Variants in STK32B observed in about 807,000 individuals in gnomAD.
The protein encoded by STK32B is serine/threonine kinase 32B.
In STK32B, 43 loss-of-function variants were observed where a neutral mutation model predicts 52.6. That is an observed-to-expected ratio of 0.82 (90% CI 0.64 to 1.05). The LOEUF is 1.05. STK32B is among the 50% of genes least tolerant of loss of function. The pLI, the probability that STK32B is intolerant of heterozygous loss-of-function variation, is 0.00. For synonymous variants in STK32B, 238 were observed against 204.3 expected (o/e 1.17, Z -1.41); for missense variants, 621 against 534.6 (o/e 1.16, Z -1.59).
intron 6 of STK32B, among the ~76,000 whole-genome samples, chr4:5,444,342 T>A (rs1000156255): frequency 5.9e-5 from 9 of 152,338 alleles, no homozygotes; most frequent in African/African-American, 2.2e-4. Flanking sequence ...GCGCAGTATT[T>A]GGGTGGGAGT....
intron 3 of STK32B, among the ~76,000 whole-genome samples, chr4:5,326,664 A>G (rs1262917933): frequency 1.3e-5 from 2 of 152,210 alleles, no homozygotes; most frequent in Non-Finnish European, 2.9e-5. Context: ...GTTAGCTACA[A>G]TGCTAACACT....
chr4:5,152,195 G>A (rs926192837), intron 2 of STK32B, among the ~76,000 whole-genome samples: 2 of 152,236 alleles, frequency 1.3e-5, no homozygotes, highest in Non-Finnish European at 2.9e-5. Context: ...GAAGCTTAAA[G>A]CAAAGAATCA....
At chr4:5,315,116 A>C (rs1397987201) in intron 3 of STK32B, among the ~76,000 whole-genome samples, 1 of 152,184 alleles carries the variant, frequency 6.6e-6, no homozygotes, top group East Asian at 1.9e-4. Flanking sequence ...GTGAGTTCTC[A>C]AGTCTCAACA....
Position 5,087,277 on chromosome 4 carries a change from C to G in STK32B, c.52+35362C>G, listed in dbSNP as rs949472310. 3.3e-5 allele frequency among the ~76,000 whole-genome samples: 5 copies of G among 151,574 alleles called. No homozygotes were observed. The South Asian group carries it at 1.0e-3, about 32-fold the overall frequency. On this transcript the variant is annotated intron_variant, in intron 1 of 11. Coordinates refer to ENST00000282908, the MANE Select transcript of STK32B (RefSeq NM_018401.3). ...GAGATGCTAATTATAATACCCAGGG[C>G]AATCACTACAAAAAATAATAATGTA...
intron 3 of STK32B, among the ~76,000 whole-genome samples, chr4:5,265,438 G>A (rs912992578): frequency 1.3e-5 from 2 of 152,080 alleles, no homozygotes; most frequent in East Asian, 1.9e-4. Flanking sequence ...TATTGACTAC[G>A]CCCCGAAGCT....
intron 7 of STK32B, among the ~76,000 whole-genome samples, chr4:5,454,297 TTC>T (rs1321944340): frequency 6.6e-6 from 1 of 152,098 alleles, no homozygotes; most frequent in East Asian, 1.9e-4. Flanking sequence ...ACAGAAATTA[TTC>T]TCTCACAGTT....
chr4:5,485,587 T>C (rs57264400), intron 11 of STK32B, among the ~76,000 whole-genome samples: 1,797 of 152,298 alleles, frequency 0.012, 40 homozygotes, highest in African/African-American at 0.041. Context: ...TCTCTCAACT[T>C]GTCAAAGTCA....
In STK32B at chr4:5,242,153, C is replaced by T. The variant is rs183778194; in HGVS notation, c.260+73703C>T. 3.9e-5 allele frequency among the ~76,000 whole-genome samples: 6 copies of T among 152,294 alleles called. No homozygotes were observed. The East Asian group carries it at 1.2e-3, about 29-fold the overall frequency. ...TCTAGATCCCTGAGGAATTGCCATA[C>T]TGACATCCACAATGGCTGAATTAGT... On this transcript the variant is annotated intron_variant, in intron 3 of 11. Coordinates refer to ENST00000282908, the MANE Select transcript of STK32B (RefSeq NM_018401.3).
At chr4:5,404,140 C>T (rs1737496017) in intron 5 of STK32B, among the ~76,000 whole-genome samples, 1 of 151,982 alleles carries the variant, frequency 6.6e-6, no homozygotes, top group African/African-American at 2.4e-5. Flanking sequence ...CTAGGGCTAC[C>T]ATAACAAAGC....
At chr4:5,124,759 C>A (rs898700797) in intron 1 of STK32B, among the ~76,000 whole-genome samples, 3 of 152,282 alleles carry the variant, frequency 2.0e-5, no homozygotes, top group African/African-American at 7.2e-5. Flanking sequence ...CATATAGATG[C>A]ACGTGTGTGT....
At chr4:5,114,800 T>C (rs1336711689) in intron 1 of STK32B, among the ~76,000 whole-genome samples, 1 of 152,140 alleles carries the variant, frequency 6.6e-6, no homozygotes, top group Non-Finnish European at 1.5e-5. Flanking sequence ...GGAAGCCAGG[T>C]AGTGCTCTAA....
At chr4:5,451,809 C>T (rs1716025539) in intron 7 of STK32B, among the ~76,000 whole-genome samples, 1 of 152,150 alleles carries the variant, frequency 6.6e-6, no homozygotes, top group Non-Finnish European at 1.5e-5. Context: ...GACAGTTGTC[C>T]CTGATTGAGA....
At chr4:5,416,568 A>T (rs1577467820) in intron 5 of STK32B, among the ~76,000 whole-genome samples, 1 of 152,302 alleles carries the variant, frequency 6.6e-6, no homozygotes, top group East Asian at 1.9e-4. Context: ...TAGGAGCTTT[A>T]ATTCTCCACA....
chr4:5,321,675 A>G (rs1284708322), intron 3 of STK32B, among the ~76,000 whole-genome samples: 2 of 152,198 alleles, frequency 1.3e-5, no homozygotes, highest in African/African-American at 4.8e-5. Context: ...AAATAAAACC[A>G]TGAAGGCACA....
At chr4:5,154,836 G>C (rs1717665612) in intron 2 of STK32B, among the ~76,000 whole-genome samples, 1 of 152,170 alleles carries the variant, frequency 6.6e-6, no homozygotes, top group African/African-American at 2.4e-5. Flanking sequence ...TGAGTGCTCG[G>C]GTGAGAGAGG....
At chr4:5,077,480 T>A (rs996143799) in intron 1 of STK32B, among the ~76,000 whole-genome samples, 5 of 152,076 alleles carry the variant, frequency 3.3e-5, no homozygotes, top group African/African-American at 7.2e-5. Context: ...TTAAGACACT[T>A]CCAGGCAGCT....
chr4:5,480,058 C>T (rs925680283), intron 11 of STK32B, among the ~76,000 whole-genome samples: 1 of 152,180 alleles, frequency 6.6e-6, no homozygotes, highest in Non-Finnish European at 1.5e-5. Context: ...AAATGGCACA[C>T]ATGTTAAGCA....
chr4:5,213,602 C>G (rs1723024937), intron 3 of STK32B, among the ~76,000 whole-genome samples: 2 of 152,194 alleles, frequency 1.3e-5, no homozygotes, highest in Admixed American at 6.5e-5. Flanking sequence ...AAATGGATTT[C>G]TTATATGCAC....
At chr4:5,390,964 C>T (rs1418001622) in intron 4 of STK32B, among the ~76,000 whole-genome samples, 2 of 124,022 alleles carry the variant, frequency 1.6e-5, no homozygotes, top group African/African-American at 6.4e-5. Context: ...TCTTTTCTAT[C>T]TTTTTTTTTT....
Sources: allele counts gnomAD v4.1 joint callset (sites outside exome capture counted in the v4.1 genomes callset), GRCh38; gene constraint gnomAD v4.1.1; transcripts MANE v1.5; gene names NCBI Gene and HGNC (gene_info 2026-07-23, HGNC 2026-07-21).